The following NECAB1 variants were observed in gnomAD, a reference collection of about 807,000 sequenced individuals.
NECAB1 encodes N-terminal EF-hand calcium binding protein 1.
A neutral mutation model predicts 57.5 loss-of-function variants in NECAB1; 29 were observed. The ratio of observed to expected loss-of-function variants is 0.50; its 90% CI spans 0.38 to 0.69. The LOEUF is 0.69. Among genes scored for constraint, NECAB1 ranks in the 30% least tolerant of loss-of-function variants. The probability of loss-of-function intolerance (pLI) is 0.00; values close to 1 mark genes in which losing one functional copy is unlikely to be tolerated. For synonymous variants in NECAB1, 142 were observed against 147.7 expected (o/e 0.96, Z 0.28); for missense variants, 372 against 413.8 (o/e 0.90, Z 0.88).
intron 4 of NECAB1, among the ~76,000 whole-genome samples, chr8:90,878,022 G>A (rs1808759779): frequency 6.6e-6 from 1 of 151,772 alleles, no homozygotes; most frequent in Non-Finnish European, 1.5e-5. Flanking sequence ...CACCCAGGCA[G>A]ACTTGGGCAT....
At chr8:90,944,122 TA>T (rs927624769) in intron 10 of NECAB1, among the ~76,000 whole-genome samples, 4 of 152,018 alleles carry the variant, frequency 2.6e-5, no homozygotes, top group Non-Finnish European at 4.4e-5. Flanking sequence ...TCAGATGGGT[TA>T]AAAAAAACTT....
chr8:90,859,205 A>G (rs1812850337), intron 3 of NECAB1: 1 of 152,222 alleles, frequency 6.6e-6, no homozygotes, highest in South Asian at 2.1e-4. Context: ...GAGGGTTTCC[A>G]GATCTCTCTA....
At chr8:90,909,903 C>T (rs1809786868) in intron 5 of NECAB1, among the ~76,000 whole-genome samples, 1 of 152,006 alleles carries the variant, frequency 6.6e-6, no homozygotes, top group Admixed American at 6.6e-5. Flanking sequence ...TTGTTAGTTT[C>T]TATCCTTCCT....
chr8:90,951,085 C>T (rs760297299), intron 11 of NECAB1, 28 bp from the exon 12 acceptor site: 5 of 1,345,974 alleles, frequency 3.7e-6, no homozygotes, highest in African/African-American at 1.5e-5. Context: ...TAAAAATGCA[C>T]AGCCTTAACC....
In NECAB1 at chr8:90,801,677, T is replaced by G. The variant is rs1811761228; in HGVS notation, c.100-14T>G. 1 of 1,515,452 alleles carries G rather than the reference T, an allele frequency of 6.6e-7. No individual in the cohort carries two copies. The highest frequency in any genetic ancestry group is 1.4e-5 in the African/African-American group (1 of 71,852). 93.9% of individuals were successfully genotyped at this position (1,515,452 alleles called of 1,614,324 possible). A position where few individuals can be genotyped will look rare whatever the true frequency, so the allele number is the denominator to read the frequency against. The stretch of plus-strand genomic sequence containing the variant: ...CTAAAATGCTGATAAAATTTTTTCC[T>G]TTTTCCTTTCCAGATACTGAGGAGA... On this transcript the variant is annotated splice_polypyrimidine_tract_variant and intron_variant, in intron 1 of 12. Transcript: ENST00000417640.
chr8:90,820,906 C>T (rs960931165), intron 2 of NECAB1, among the ~76,000 whole-genome samples: 3 of 151,868 alleles, frequency 2.0e-5, no homozygotes, highest in Non-Finnish European at 2.9e-5. Flanking sequence ...TTACTATGTG[C>T]TAGGTGCTGT....
At chr8:90,941,045 A>T in intron 10 of NECAB1, 147 bp downstream of exon 10, 1 of 640,604 alleles carries the variant, frequency 1.6e-6, no homozygotes, top group Non-Finnish European at 2.8e-6. Context: ...CACCTGGGTG[A>T]TGTCATTTGC....
chr8:90,880,374 G>A (rs896193349), intron 4 of NECAB1, among the ~76,000 whole-genome samples: 3 of 152,026 alleles, frequency 2.0e-5, no homozygotes. Context: ...ATTTCTATAA[G>A]TAAATATAAG....
intron 7 of NECAB1, 115 bp from the exon 8 acceptor site, chr8:90,928,108 C>G: frequency 2.7e-6 from 2 of 751,558 alleles, no homozygotes; most frequent in Non-Finnish European, 2.2e-6. Flanking sequence ...AAAAAATGAC[C>G]AGTCAGTGAC....
intron 3 of NECAB1, among the ~76,000 whole-genome samples, chr8:90,840,950 CAAA>C (rs34615882): frequency 8.2e-6 from 1 of 121,702 alleles, no homozygotes; most frequent in Admixed American, 8.7e-5. Context: ...TAAATCTATT[CAAA>C]AAAAAAAAAA....
intron 2 of NECAB1, among the ~76,000 whole-genome samples, chr8:90,809,512 G>A (rs1031624945): frequency 2.0e-5 from 3 of 152,188 alleles, no homozygotes; most frequent in Admixed American, 6.5e-5. Context: ...GATACTTTTG[G>A]ATATATAATT....
chr8:90,918,218 A>G lies in NECAB1; in HGVS notation c.494+590A>G, dbSNP rs541809797. ...GAAGAGACGGGGTTTCACTATGTTGATCAGGCTGGTCTTGAACTCCTAACC... is the reference window on the plus strand; with the variant it reads ...GAAGAGACGGGGTTTCACTATGTTGGTCAGGCTGGTCTTGAACTCCTAACC... On this transcript the variant is annotated intron_variant, in intron 6 of 12. Transcript: ENST00000417640. 1.5e-4 allele frequency among the ~76,000 whole-genome samples: 22 copies of G among 151,458 alleles called. No individual in the cohort carries two copies. In the East Asian group the frequency reaches 3.9e-3, roughly 27 times the overall value.
intron 5 of NECAB1, among the ~76,000 whole-genome samples, chr8:90,904,318 T>C (rs1241308497): frequency 1.3e-5 from 2 of 151,868 alleles, no homozygotes; most frequent in East Asian, 3.8e-4. Flanking sequence ...ACTTTATATA[T>C]TGAAATCATC....
At chr8:90,867,286 A>T (rs1808536270) in intron 3 of NECAB1, among the ~76,000 whole-genome samples, 2 of 152,212 alleles carry the variant, frequency 1.3e-5, no homozygotes, top group African/African-American at 4.8e-5. Flanking sequence ...AGGGCTGTTT[A>T]TTCTTTTGGA....
At chr8:90,924,972 A>G (rs1378480496) in intron 6 of NECAB1, among the ~76,000 whole-genome samples, 1 of 151,642 alleles carries the variant, frequency 6.6e-6, no homozygotes, top group Non-Finnish European at 1.5e-5. Context: ...TATACTGTAT[A>G]TAATATATAT....
intron 6 of NECAB1, among the ~76,000 whole-genome samples, chr8:90,919,647 T>C (rs957392624): frequency 2.6e-5 from 4 of 152,308 alleles, no homozygotes; most frequent in Non-Finnish European, 5.9e-5. Flanking sequence ...AACAATTCAC[T>C]TTAGAAAAGC....
At position 90,925,626 on chromosome 8, in the gene NECAB1, A is replaced by G. The variant is rs1431844136; in HGVS notation, c.586A>G (p.Asn196Asp). The G allele has an allele frequency of 1.2e-6, 2 of 1,613,824 alleles. No individual in the cohort carries two copies. Among genetic ancestry groups the G allele is most frequent in the East Asian group, 2.2e-5 (1 of 44,842 alleles). Residue 196 changes from asparagine to aspartate, a missense_variant, in exon 7 of 13, where the codon AAC becomes GAC. Coordinates refer to ENST00000417640, the MANE Select transcript of NECAB1 (RefSeq NM_022351.5). ...CCAGAGACACAACAGCTTCTCCCCA[A>G]ACAGCCCTCAGTTTAATGTCAGCGG... Reference protein sequence around the residue: ...RVQRHNSFSPNSPQFNVSGPG... With the variant: ...RVQRHNSFSPDSPQFNVSGPG...
At chr8:90,909,191 G>A (rs934353651) in intron 5 of NECAB1, among the ~76,000 whole-genome samples, 1 of 151,930 alleles carries the variant, frequency 6.6e-6, no homozygotes, top group African/African-American at 2.4e-5. Context: ...TTTTGAGGTT[G>A]GCAGCCTTTG....
At chr8:90,876,064 G>A (rs1185457880) in intron 4 of NECAB1, among the ~76,000 whole-genome samples, 1 of 152,020 alleles carries the variant, frequency 6.6e-6, no homozygotes, top group Non-Finnish European at 1.5e-5. Context: ...GAGCGTACGG[G>A]AAACTCCAGA....
Sources: gnomAD v4.1 joint callset for allele counts (sites outside exome capture counted in the v4.1 genomes callset) on GRCh38, gnomAD v4.1.1 for gene constraint, MANE v1.5 for transcripts, NCBI Gene and HGNC (gene_info 2026-07-23, HGNC 2026-07-21) for gene names.